The following TTLL1 variants were observed in gnomAD, a reference collection of about 807,000 sequenced individuals.
TTLL1 encodes the protein TTL family tubulin polyglutamylase complex subunit L1, also known as polyglutamylase complex subunit TTLL1.
A neutral mutation model predicts 47.8 loss-of-function variants in TTLL1; 33 were observed. That is an observed-to-expected ratio of 0.69 (90% CI 0.52 to 0.92). The LOEUF (loss-of-function observed/expected upper bound fraction) is 0.92, where lower values mean the gene tolerates loss of function less well. Ranked by LOEUF, TTLL1 falls within the 40% of genes least tolerant of loss-of-function variation. The pLI is 0.00. For missense variants in TTLL1, 488 were observed against 547.5 expected (o/e 0.89, Z 1.08); for synonymous variants, 225 against 214.1 (o/e 1.05, Z -0.45).
At chr22:43,084,876 C>A (rs1393094117) in intron 1 of TTLL1, among the ~76,000 whole-genome samples, 1 of 151,802 alleles carries the variant, frequency 6.6e-6, no homozygotes, top group Non-Finnish European at 1.5e-5. Flanking sequence ...CTAGCCAGGG[C>A]CCTGGCTGGG....
chr22:43,058,685 T>G (rs1370310014), intron 8 of TTLL1, among the ~76,000 whole-genome samples: 2 of 147,728 alleles, frequency 1.4e-5, no homozygotes, highest in African/African-American at 2.5e-5. Context: ...TGAAAACAGG[T>G]TTTTTTTTGT....
Position 43,088,332 on chromosome 22 carries a change from T to C in TTLL1, c.-90+945A>G, listed in dbSNP as rs936111970. On this transcript the variant is annotated intron_variant, in intron 1 of 10. Coordinates refer to ENST00000266254, the MANE Select transcript of TTLL1 (RefSeq NM_012263.5). ...GGCAGAGAAGGGCCCATCTTTTTTTTTTTTTTTTTTTTTTTTTTTTTTGAG... is the reference window on the plus strand; with the variant it reads ...GGCAGAGAAGGGCCCATCTTTTTTTCTTTTTTTTTTTTTTTTTTTTTTGAG... Among the ~76,000 whole-genome samples the C allele has an allele frequency of 0.02, 1,184 of 60,096 alleles. 59 individuals are homozygous for C. In the East Asian group the frequency reaches 0.26, roughly 13 times the overall value. The allele number at this position is 60,096 out of a possible 152,430, so 39.4% of individuals were successfully genotyped here.
intron 8 of TTLL1, among the ~76,000 whole-genome samples, chr22:43,057,718 A>G (rs900215841): frequency 2.2e-5 from 3 of 139,170 alleles, no homozygotes; most frequent in African/African-American, 5.2e-5. Context: ...ACAAAAGACC[A>G]CGAAACTGAC....
chr22:43,083,389 T>C (rs1001975364), intron 1 of TTLL1, among the ~76,000 whole-genome samples: 1 of 150,858 alleles, frequency 6.6e-6, no homozygotes, highest in Non-Finnish European at 1.5e-5. Context: ...ACAAAAAACA[T>C]ATATAGCTCT....
intron 3 of TTLL1, among the ~76,000 whole-genome samples, chr22:43,073,885 G>A (rs1037408208): frequency 3.8e-4 from 58 of 151,236 alleles, no homozygotes; most frequent in African/African-American, 1.3e-3. Flanking sequence ...GCAGTGGCGC[G>A]ATCTCAGCTC....
At chr22:43,040,417 C>G (rs1273071455) in intron 10 of TTLL1, among the ~76,000 whole-genome samples, 1 of 152,114 alleles carries the variant, frequency 6.6e-6, no homozygotes, top group East Asian at 1.9e-4. Flanking sequence ...CAGCTAGAGA[C>G]TCTGCCAGTG....
intron 3 of TTLL1, among the ~76,000 whole-genome samples, chr22:43,073,622 C>G (rs1928280226): frequency 1.3e-5 from 2 of 151,996 alleles, no homozygotes; most frequent in African/African-American, 4.8e-5. Flanking sequence ...TCCCAAAGTG[C>G]TGGGATTACA....
At chr22:43,089,159 T>C (rs1929446745) in intron 1 of TTLL1, 118 bp downstream of exon 1, 1 of 152,194 alleles carries the variant, frequency 6.6e-6, no homozygotes, top group African/African-American at 2.4e-5. Context: ...CTGAACCGCA[T>C]TTTCGCAGCC....
At chr22:43,083,499 G>A (rs35106288) in intron 1 of TTLL1, among the ~76,000 whole-genome samples, 30,046 of 152,194 alleles carry the variant, frequency 0.2, 3,785 homozygotes, top group Middle Eastern at 0.33. Flanking sequence ...TTGGAAGGCC[G>A]AGATGGGCGG....
chr22:43,046,756 G>A (rs1051190372), intron 9 of TTLL1, among the ~76,000 whole-genome samples, 183 bp from the exon 10 acceptor site: 13 of 152,022 alleles, frequency 8.6e-5, no homozygotes, highest in Non-Finnish European at 1.5e-4. Context: ...TGCAACCTCC[G>A]CCTCCCGGGC....
In TTLL1 at chr22:43,046,755, C is replaced by T. The variant is rs569822989; in HGVS notation, c.979-182G>A. ...CGCAATCTCGGTTCACTGCAACCTC[C>T]GCCTCCCGGGCTCAAGCGATTCTCC... is the stretch of plus-strand genomic sequence containing the variant. On this transcript the variant is annotated intron_variant, in intron 9 of 10. Transcript: ENST00000266254. Among the ~76,000 whole-genome samples, 36 of 152,188 alleles carry T rather than the reference C, an allele frequency of 2.4e-4. 1 individual carries two copies. In the East Asian group the frequency reaches 4.2e-3, roughly 18 times the overall value.
chr22:43,051,062 G>A (rs1926582557), intron 9 of TTLL1, among the ~76,000 whole-genome samples: 1 of 152,234 alleles, frequency 6.6e-6, no homozygotes, highest in South Asian at 2.1e-4. Context: ...TGACCGAGAT[G>A]AAGGGCCCAA....
chr22:43,070,793 ATAT>A, intron 3 of TTLL1, among the ~76,000 whole-genome samples: 1 of 152,248 alleles, frequency 6.6e-6, no homozygotes, highest in East Asian at 1.9e-4. Flanking sequence ...CCCAGACATC[ATAT>A]TATTTCATCC....
intron 3 of TTLL1, among the ~76,000 whole-genome samples, chr22:43,071,453 A>T (rs1928115376): frequency 2.0e-5 from 3 of 152,174 alleles, no homozygotes; most frequent in Admixed American, 2.0e-4. Context: ...TCTGTTGCCC[A>T]GGCTGGAGTG....
chr22:43,059,195 T>C (rs941361243), intron 8 of TTLL1, among the ~76,000 whole-genome samples, 189 bp downstream of exon 8: 1 of 149,566 alleles, frequency 6.7e-6, no homozygotes, highest in East Asian at 2.0e-4. Flanking sequence ...TCACCATGTA[T>C]GTGGGCCAGG....
At chr22:43,074,671 C>T (rs1928366569) in intron 3 of TTLL1, among the ~76,000 whole-genome samples, 1 of 151,456 alleles carries the variant, frequency 6.6e-6, no homozygotes, top group Non-Finnish European at 1.5e-5. Context: ...GAAGACTCTG[C>T]CTCTGAAATA....
intron 3 of TTLL1, among the ~76,000 whole-genome samples, chr22:43,071,929 T>C (rs987602734): frequency 2.0e-5 from 3 of 152,208 alleles, no homozygotes; most frequent in African/African-American, 7.2e-5. Flanking sequence ...CACCTACCTG[T>C]GGCCGCTGTG....
intron 9 of TTLL1, among the ~76,000 whole-genome samples, chr22:43,048,273 C>T (rs1053612382): frequency 2.6e-5 from 4 of 151,290 alleles, no homozygotes; most frequent in East Asian, 1.9e-4. Flanking sequence ...GCTGAGATCA[C>T]GCCACTGCGC....
intron 1 of TTLL1, among the ~76,000 whole-genome samples, chr22:43,083,717 A>AG (rs1477360161): frequency 2.1e-5 from 3 of 140,732 alleles, no homozygotes; most frequent in Non-Finnish European, 4.9e-5. Flanking sequence ...AACAAGAGCA[A>AG]ACTCCATCTC....
Sources: gnomAD v4.1 joint callset for allele counts (sites outside exome capture counted in the v4.1 genomes callset) on GRCh38, gnomAD v4.1.1 for gene constraint, MANE v1.5 for transcripts, NCBI Gene and HGNC (gene_info 2026-07-23, HGNC 2026-07-21) for gene names.